The following GPR158 variants were observed in gnomAD, a reference collection of about 807,000 sequenced individuals.
The protein encoded by GPR158 is metabotropic glycine receptor.
GPR158 carries 30 observed loss-of-function variants against 78.2 expected under a neutral mutation model. The ratio of observed to expected loss-of-function variants is 0.38; its 90% confidence interval spans 0.29 to 0.52. GPR158 has a LOEUF of 0.52. Among genes scored for constraint, GPR158 ranks in the 20% least tolerant of loss-of-function variants. The pLI, the probability that GPR158 is intolerant of heterozygous loss-of-function variation, is 0.83. For synonymous variants in GPR158, 581 were observed against 591.1 expected (o/e 0.98, Z 0.25); for missense variants, 1,463 against 1,523.5 (o/e 0.96, Z 0.66).
intron 2 of GPR158, among the ~76,000 whole-genome samples, chr10:25,239,841 C>T (rs969954710): frequency 1.3e-5 from 2 of 152,038 alleles, no homozygotes; most frequent in Non-Finnish European, 2.9e-5. Flanking sequence ...AATAATATAC[C>T]AGGCACTGAA....
chr10:25,253,977 A>G (rs1853853076), intron 2 of GPR158, among the ~76,000 whole-genome samples: 1 of 152,214 alleles, frequency 6.6e-6, no homozygotes, highest in East Asian at 1.9e-4. Context: ...AGTCTAACAT[A>G]ATTAGCATTG....
intron 4 of GPR158, among the ~76,000 whole-genome samples, chr10:25,449,745 A>G (rs1016075279): frequency 6.6e-6 from 1 of 152,194 alleles, no homozygotes; most frequent in African/African-American, 2.4e-5. Flanking sequence ...TTCTCACCAC[A>G]AAAAATGTAT....
chr10:25,229,034 CAAAA>C (rs767651286), intron 2 of GPR158, among the ~76,000 whole-genome samples: 2 of 88,736 alleles, frequency 2.3e-5, no homozygotes. Flanking sequence ...GACTCAATGT[CAAAA>C]AAAAAAAAAA....
chr10:25,554,547 G>A (rs10828824), intron 6 of GPR158, among the ~76,000 whole-genome samples: 40,854 of 151,952 alleles, frequency 0.27, 10,867 homozygotes, highest in African/African-American at 0.67. Context: ...GAAAATAAAT[G>A]CTATTTTCAT....
intron 5 of GPR158, among the ~76,000 whole-genome samples, chr10:25,496,769 A>G (rs1835886489): frequency 6.6e-6 from 1 of 152,234 alleles, no homozygotes. Flanking sequence ...AGGGAGAAAC[A>G]GAAAAGAGCA....
At chr10:25,279,792 A>G (rs1241921242) in intron 2 of GPR158, among the ~76,000 whole-genome samples, 1 of 152,106 alleles carries the variant, frequency 6.6e-6, no homozygotes, top group Non-Finnish European at 1.5e-5. Flanking sequence ...GTTTTCTTAC[A>G]TACAACTGAG....
intron 4 of GPR158, among the ~76,000 whole-genome samples, chr10:25,459,186 A>G (rs1057346075): frequency 1.1e-4 from 16 of 152,226 alleles, no homozygotes; most frequent in African/African-American, 3.6e-4. Flanking sequence ...GGTGTTTGTC[A>G]GGTTTCATAT....
At chr10:25,254,860 A>G (rs1239987007) in intron 2 of GPR158, among the ~76,000 whole-genome samples, 1 of 152,226 alleles carries the variant, frequency 6.6e-6, no homozygotes, top group Non-Finnish European at 1.5e-5. Flanking sequence ...GACTAGACAC[A>G]TTCTAAAACT....
chr10:25,432,216 TA>T (rs1834919771), intron 4 of GPR158, among the ~76,000 whole-genome samples: 1 of 152,164 alleles, frequency 6.6e-6, no homozygotes, highest in Non-Finnish European at 1.5e-5. Context: ...CAGAACTTAA[TA>T]AAAATATATT....
chr10:25,536,255 T>C (rs1836499650), intron 5 of GPR158, among the ~76,000 whole-genome samples: 1 of 152,148 alleles, frequency 6.6e-6, no homozygotes, highest in South Asian at 2.1e-4. Flanking sequence ...TTAAAGAAAA[T>C]TCATTTGTAA....
intron 2 of GPR158, among the ~76,000 whole-genome samples, chr10:25,270,572 T>A (rs977838907): frequency 2.0e-5 from 3 of 152,158 alleles, no homozygotes; most frequent in Non-Finnish European, 4.4e-5. Context: ...ATCTCACTAA[T>A]GCCACTCTGC....
At chr10:25,236,774 C>T (rs1156664633) in intron 2 of GPR158, among the ~76,000 whole-genome samples, 8 of 152,254 alleles carry the variant, frequency 5.3e-5, no homozygotes, top group Admixed American at 6.5e-5. Flanking sequence ...CACTGTAGTA[C>T]ATTGTACATG....
chr10:25,430,354 A>G (rs1212956878), intron 4 of GPR158, among the ~76,000 whole-genome samples: 2 of 150,770 alleles, frequency 1.3e-5, no homozygotes, highest in African/African-American at 2.4e-5. Flanking sequence ...GCTCAATGAA[A>G]TAAAAGAGGA....
intron 2 of GPR158, among the ~76,000 whole-genome samples, chr10:25,373,988 G>T (rs1213542625): frequency 2.6e-5 from 4 of 151,452 alleles, no homozygotes; most frequent in African/African-American, 7.3e-5. Context: ...GATTTTTTGT[G>T]TAATTTTTCT....
intron 4 of GPR158, among the ~76,000 whole-genome samples, chr10:25,421,392 T>C (rs974191820): frequency 2.0e-5 from 3 of 152,196 alleles, no homozygotes; most frequent in African/African-American, 7.2e-5. Flanking sequence ...TATGGTATAA[T>C]ATGTGAAAAT....
chr10:25,193,933 T>C (rs973049373), intron 1 of GPR158, among the ~76,000 whole-genome samples: 2 of 152,064 alleles, frequency 1.3e-5, no homozygotes, highest in African/African-American at 4.8e-5. Context: ...AAAAATCACT[T>C]TGGTGTTTTT....
intron 1 of GPR158, among the ~76,000 whole-genome samples, chr10:25,192,684 TGTCTC>T (rs944468660): frequency 6.6e-6 from 1 of 152,184 alleles, no homozygotes; most frequent in Non-Finnish European, 1.5e-5. Context: ...TATAATGTAT[TGTCTC>T]CGATTTATGA....
intron 5 of GPR158, among the ~76,000 whole-genome samples, chr10:25,523,041 C>A (rs1836299405): frequency 6.6e-6 from 1 of 152,154 alleles, no homozygotes; most frequent in African/African-American, 2.4e-5. Flanking sequence ...GTTAAGGCAA[C>A]AAGCCGAAAT....
chr10:25,599,363 G>T lies in GPR158; in HGVS notation c.*89G>T, dbSNP rs1837461458. 9.7e-7 allele frequency: 1 copy of T among 1,035,678 alleles called. No homozygotes were observed. Among genetic ancestry groups the T allele is most frequent in the African/African-American group, 1.6e-5 (1 of 61,812 alleles). 64.2% of individuals were successfully genotyped at this position (1,035,678 alleles called of 1,614,324 possible). ...AATCAAATATTCCCAAGGAGGATTT[G>T]TCAATCAAGGAAAACATGACAGATG... On this transcript the variant is annotated 3_prime_UTR_variant, in exon 11 of 11. Coordinates refer to ENST00000376351, the MANE Select transcript of GPR158 (RefSeq NM_020752.3).
Sources: allele counts gnomAD v4.1 joint callset (sites outside exome capture counted in the v4.1 genomes callset), GRCh38; gene constraint gnomAD v4.1.1; transcripts MANE v1.5; gene names NCBI Gene and HGNC (gene_info 2026-07-23, HGNC 2026-07-21).